The following FRMPD4 variants were observed in gnomAD, a reference collection of about 807,000 sequenced individuals.
FRMPD4 encodes FERM and PDZ domain containing 4.
FRMPD4 carries 22 observed loss-of-function variants against 94.1 expected under a neutral mutation model. The ratio of observed to expected loss-of-function variants is 0.23; its 90% CI spans 0.17 to 0.33. The LOEUF (loss-of-function observed/expected upper bound fraction) is 0.33. FRMPD4 is among the 10% of genes least tolerant of loss of function. The pLI is 1.00. For synonymous variants in FRMPD4, 631 were observed against 548.6 expected, an observed-to-expected ratio of 1.15 and a Z score of -2.10; for missense variants, 1,111 against 1,339.9, an observed-to-expected ratio of 0.83 and a Z score of 2.67.
At chrX:12,500,297 G>A (rs940520849) in intron 2 of FRMPD4, among the ~76,000 whole-genome samples, 3 of 111,286 alleles carry the variant, frequency 2.7e-5, no homozygotes, top group African/African-American at 9.9e-5. Flanking sequence ...ATCACCGTGA[G>A]GTGAGGGGTC....
At chrX:12,039,534 C>A (rs986920282) in intron 3 of FRMPD4, among the ~76,000 whole-genome samples, 1 of 110,689 alleles carries the variant, frequency 9.0e-6, no homozygotes, top group African/African-American at 3.3e-5. Context: ...GTTTAATTTT[C>A]TATTTTTTTG....
chrX:12,328,526 T>C (rs1227251351), intron 1 of FRMPD4, among the ~76,000 whole-genome samples: 1 of 112,289 alleles, frequency 8.9e-6, no homozygotes, highest in Non-Finnish European at 1.9e-5. Context: ...TAGATAATAG[T>C]TGATGTTTTA....
intron 1 of FRMPD4, among the ~76,000 whole-genome samples, chrX:12,381,572 A>T (rs1364616876): frequency 8.9e-6 from 1 of 112,276 alleles, no homozygotes; most frequent in African/African-American, 3.2e-5. Flanking sequence ...TTTCACGTAC[A>T]TACAGTTAGC....
At chrX:12,491,749 T>C (rs1342727162) in intron 1 of FRMPD4, among the ~76,000 whole-genome samples, 1 of 112,292 alleles carries the variant, frequency 8.9e-6, no homozygotes, top group African/African-American at 3.2e-5. Flanking sequence ...TTTGAACATC[T>C]ATCATGTGCC....
chrX:11,974,611 G>GA (rs915816261), intron 3 of FRMPD4, among the ~76,000 whole-genome samples: 2 of 112,506 alleles, frequency 1.8e-5, no homozygotes, highest in Non-Finnish European at 3.8e-5. Context: ...TAAGAGGTAT[G>GA]AAAAAAGTAA....
chrX:12,576,659 T>G (rs1005625805), intron 2 of FRMPD4, among the ~76,000 whole-genome samples: 4 of 112,881 alleles, frequency 3.5e-5, no homozygotes, highest in Non-Finnish European at 5.6e-5. Flanking sequence ...TGGATGTTAT[T>G]GCTCAGAGGG....
At chrX:12,430,095 C>T (rs1412393884) in intron 1 of FRMPD4, among the ~76,000 whole-genome samples, 4 of 112,191 alleles carry the variant, frequency 3.6e-5, no homozygotes, top group African/African-American at 1.3e-4. Flanking sequence ...AAAAAACAGA[C>T]TAAGATAGTT....
At chrX:12,198,918 A>ATG (rs1262285002) in intron 1 of FRMPD4, among the ~76,000 whole-genome samples, 1 of 112,506 alleles carries the variant, frequency 8.9e-6, no homozygotes, top group African/African-American at 3.2e-5. Flanking sequence ...GGTTTTATAA[A>ATG]TGTAAGATAC....
chrX:12,601,438 T>C lies in FRMPD4; in HGVS notation c.159-8283T>C, dbSNP rs139024370. Among the ~76,000 whole-genome samples, 650 of 111,823 alleles carry C rather than the reference T, an allele frequency of 5.8e-3. 1 individual carries two copies. The highest frequency in any genetic ancestry group is 9.9e-3 in the Non-Finnish European group (527 of 53,210). Reference sequence around the variant, plus strand: ...AAAGGACAGAGGCAGTAGTTCCAGATGCAGAGAAGGTTTAGGATCCTGATT... The same window carrying C: ...AAAGGACAGAGGCAGTAGTTCCAGACGCAGAGAAGGTTTAGGATCCTGATT... On this transcript the variant is annotated intron_variant, in intron 2 of 16. Transcript: ENST00000675598.
rs370344979 is a variant in FRMPD4 at position 12,716,702 on chromosome X, C to G, written c.2243C>G (p.Ala748Gly). ...DICYAENTDD[A>G]EDEDEVSCEE... Reference sequence around the variant, plus strand: ...TGTTATGCAGAAAACACTGATGACGCGGAGGACGAGGACGAGGTGAGCTGC... The same window carrying G: ...TGTTATGCAGAAAACACTGATGACGGGGAGGACGAGGACGAGGTGAGCTGC... The change falls in exon 15 of 17, where the codon GCG (alanine) becomes GGG (glycine). Residue 748 changes from alanine (A) to glycine (G), a missense_variant. By Grantham distance (60) the Ala-to-Gly change is moderately conservative (BLOSUM62 0). Around this residue, in one of 8 missense-constraint regions of FRMPD4, gnomAD observed 192 missense variants for 192.5 expected, o/e 1.00. Coordinates refer to ENST00000675598, the MANE Select transcript of FRMPD4 (RefSeq NM_001368397.1). The G allele has an allele frequency of 1.1e-4, 135 of 1,209,680 alleles. No individual in the cohort carries two copies. In the Middle Eastern group the frequency reaches 1.8e-3, roughly 16 times the overall value.
chrX:12,503,627 A>G (rs1245553138), intron 2 of FRMPD4, among the ~76,000 whole-genome samples: 1 of 112,068 alleles, frequency 8.9e-6, no homozygotes, highest in African/African-American at 3.2e-5. Context: ...TAATCTGAAT[A>G]AATACAAGTA....
At chrX:12,641,144 A>T (rs990441044) in intron 4 of FRMPD4, among the ~76,000 whole-genome samples, 1 of 111,640 alleles carries the variant, frequency 9.0e-6, no homozygotes, top group Non-Finnish European at 1.9e-5. Flanking sequence ...GAAGATCCAT[A>T]TGTAAGTGAC....
intron 4 of FRMPD4, among the ~76,000 whole-genome samples, chrX:12,635,123 C>T (rs1476448172): frequency 3.6e-5 from 4 of 111,955 alleles, no homozygotes; most frequent in Non-Finnish European, 7.5e-5. Context: ...CGTGAGCCAC[C>T]GCACCTGGCC....
At chrX:11,947,807 C>T (rs1473233006) in intron 3 of FRMPD4, among the ~76,000 whole-genome samples, 1 of 111,171 alleles carries the variant, frequency 9.0e-6, no homozygotes, top group Non-Finnish European at 1.9e-5. Context: ...CAATCCTCGG[C>T]CAGGTGCAGT....
At chrX:12,032,399 T>C (rs2054697190) in intron 3 of FRMPD4, among the ~76,000 whole-genome samples, 1 of 111,996 alleles carries the variant, frequency 8.9e-6, no homozygotes, top group Non-Finnish European at 1.9e-5. Context: ...TTGGCAGTAT[T>C]TAATGTATAA....
intron 5 of FRMPD4, among the ~76,000 whole-genome samples, chrX:12,679,593 G>A (rs1335089768): frequency 7.1e-5 from 8 of 112,065 alleles, no homozygotes; most frequent in Admixed American, 1.9e-4. Flanking sequence ...CTGGTTGCCT[G>A]GGCAGGGTGC....
intron 4 of FRMPD4, among the ~76,000 whole-genome samples, chrX:12,659,664 A>G (rs1046068133): frequency 8.9e-6 from 1 of 112,918 alleles, no homozygotes; most frequent in African/African-American, 3.2e-5. Context: ...CCCCAGGTAG[A>G]TACTCAATAA....
At chrX:11,991,053 C>G (rs977978773) in intron 3 of FRMPD4, among the ~76,000 whole-genome samples, 1 of 112,086 alleles carries the variant, frequency 8.9e-6, no homozygotes, top group Non-Finnish European at 1.9e-5. Flanking sequence ...GCCATGGGAC[C>G]TTCTCCATAA....
chrX:12,147,965 G>A (rs1047582597), intron 1 of FRMPD4, among the ~76,000 whole-genome samples: 1 of 111,894 alleles, frequency 8.9e-6, no homozygotes, highest in Non-Finnish European at 1.9e-5. Flanking sequence ...TAAATGTTGT[G>A]TGTGTTCTGA....
Sources: allele counts gnomAD v4.1 joint callset (sites outside exome capture counted in the v4.1 genomes callset), GRCh38; gene constraint gnomAD v4.1.1; regional missense constraint gnomAD v4.1.1; transcripts MANE v1.5; gene names NCBI Gene and HGNC (gene_info 2026-07-23, HGNC 2026-07-21).